Variants in LARP4B observed in about 807,000 individuals in gnomAD.
LARP4B encodes the protein La ribonucleoprotein 4B, also known as la-related protein 4B.
In LARP4B, 12 loss-of-function variants were observed where a neutral mutation model predicts 89.8. The ratio of observed to expected loss-of-function variants is 0.13; its 90% CI spans 0.09 to 0.22. The LOEUF (loss-of-function observed/expected upper bound fraction) is 0.22. Ranked by LOEUF, LARP4B falls within the 10% of genes least tolerant of loss-of-function variation. The probability of loss-of-function intolerance (pLI) is 1.00; values close to 1 mark genes in which losing one functional copy is unlikely to be tolerated. For missense variants in LARP4B, 757 were observed against 947.7 expected, an observed-to-expected ratio of 0.80 and a Z score of 2.64; for synonymous variants, 367 against 363.3, an observed-to-expected ratio of 1.01 and a Z score of -0.12.
the LARP4B span, among the ~76,000 whole-genome samples, chr10:937,579 C>A: frequency 6.6e-6 from 1 of 152,076 alleles, no homozygotes; most frequent in Non-Finnish European, 1.5e-5. Flanking sequence ...CTAATAATGG[C>A]GGCCTGACCC....
chr10:915,594 G>A (rs991675927), intron 1 of LARP4B, among the ~76,000 whole-genome samples: 11 of 152,136 alleles, frequency 7.2e-5, no homozygotes, highest in Non-Finnish European at 1.5e-4. Flanking sequence ...CACGAGGTCA[G>A]GAGATCGAGA....
intron 1 of LARP4B, among the ~76,000 whole-genome samples, chr10:910,113 T>A (rs1206906049): frequency 6.6e-6 from 1 of 152,218 alleles, no homozygotes; most frequent in Admixed American, 6.5e-5. Context: ...CTTACCCTTA[T>A]CTTCATGTTC....
the LARP4B span, among the ~76,000 whole-genome samples, chr10:967,734 C>A: frequency 6.6e-6 from 1 of 152,174 alleles, no homozygotes; most frequent in African/African-American, 2.4e-5. Context: ...GTGGGCACAC[C>A]ATCTTCATTA....
chr10:916,643 C>T (rs1253312226), intron 1 of LARP4B, among the ~76,000 whole-genome samples: 2 of 152,108 alleles, frequency 1.3e-5, no homozygotes, highest in African/African-American at 4.8e-5. Flanking sequence ...TGCAGTGAGC[C>T]GAGATCACGC....
chr10:869,332 C>T (rs1835075854), intron 3 of LARP4B, among the ~76,000 whole-genome samples: 2 of 152,134 alleles, frequency 1.3e-5, no homozygotes. Context: ...ATAAGATGCC[C>T]TCAAAGGGCT....
rs145054369 is a variant in LARP4B, at chr10:904,880, T to C, written c.-39-19120A>G. Among the ~76,000 whole-genome samples the C allele has an allele frequency of 2.9e-3, 448 of 152,316 alleles. 2 individuals are homozygous for C. Among genetic ancestry groups the C allele is most frequent in the African/African-American group, 0.01 (420 of 41,580 alleles). On this transcript the variant is annotated intron_variant, in intron 1 of 17. Transcript: ENST00000316157. ...CATATAAATCCAGAACCAGGCACGA[T>C]GGTGGCATTAAGCAACCAGACTGTC...
At chr10:911,652 C>T (rs1025855843) in intron 1 of LARP4B, among the ~76,000 whole-genome samples, 2 of 152,166 alleles carry the variant, frequency 1.3e-5, no homozygotes, top group Admixed American at 1.3e-4. Context: ...AGACCCGCTT[C>T]GGAACACAGG....
chr10:817,389 C>T (rs752375), intron 15 of LARP4B, among the ~76,000 whole-genome samples: 52,639 of 152,124 alleles, frequency 0.35, 10,090 homozygotes, highest in South Asian at 0.45. Context: ...CAGATGTTTC[C>T]ATTTCATTCT....
chr10:978,750 T>C, the LARP4B span, among the ~76,000 whole-genome samples: 2 of 152,256 alleles, frequency 1.3e-5, no homozygotes, highest in African/African-American at 4.8e-5. Flanking sequence ...GCACTTTATT[T>C]GTTCCTCATT....
chr10:864,225 A>T lies in LARP4B; in HGVS notation c.187T>A (p.Trp63Arg). ...VSELNPNAEVWGAPVLHLEAS... is the reference protein window; with the variant it reads ...VSELNPNAEVRGAPVLHLEAS... ...TCCAGATGTAACACAGGAGCCCCCC[A>T]CACTTCTGCATTAGGGTTCAGCTCT... Residue 63 changes from tryptophan (W) to arginine (R), a missense_variant, in exon 4 of 18, where the codon TGG (tryptophan) becomes AGG (arginine). By Grantham distance (101) the Trp-to-Arg change is moderately radical. This residue lies in a region of LARP4B where 175 missense variants were observed against 187.0 expected (regional missense o/e 0.94). Transcript: ENST00000316157. 6.2e-7 allele frequency: 1 copy of T among 1,614,152 alleles called. No homozygotes were observed.
In LARP4B at chr10:912,539, T is replaced by G. The variant is rs1164488377; in HGVS notation, c.-40+18889A>C. On this transcript the variant is annotated intron_variant, in intron 1 of 17. Coordinates refer to ENST00000316157, the MANE Select transcript of LARP4B (RefSeq NM_015155.3). ...GTAATCTAACCAAGAAACATCTAGG[T>G]TGGAAGACCACCTATCTAACCAGAC... 2.0e-5 allele frequency among the ~76,000 whole-genome samples: 3 copies of G among 152,050 alleles called. No individual in the cohort carries two copies. In the South Asian group the frequency reaches 6.2e-4, roughly 32 times the overall value.
intron 1 of LARP4B, among the ~76,000 whole-genome samples, chr10:923,656 A>G (rs1837050998): frequency 6.6e-6 from 1 of 152,232 alleles, no homozygotes; most frequent in African/African-American, 2.4e-5. Flanking sequence ...GCATGAAGCC[A>G]CCTTTAAAGA....
intron 3 of LARP4B, among the ~76,000 whole-genome samples, chr10:874,529 G>A (rs1231600617): frequency 6.6e-6 from 1 of 152,212 alleles, no homozygotes; most frequent in African/African-American, 2.4e-5. Context: ...ATGTGGTCCA[G>A]TCCCTAACTG....
intron 11 of LARP4B, 115 bp from the exon 12 acceptor site, chr10:825,985 C>A (rs921350634): frequency 7.1e-6 from 5 of 708,082 alleles, no homozygotes; most frequent in Non-Finnish European, 1.2e-5. Context: ...AGAGTCATGA[C>A]CCATGCTGAG....
At chr10:965,997 A>G in the LARP4B span, among the ~76,000 whole-genome samples, 1 of 152,044 alleles carries the variant, frequency 6.6e-6, no homozygotes, top group Non-Finnish European at 1.5e-5. Flanking sequence ...TTGAAAAAGC[A>G]GAAAGGGACT....
At chr10:851,180 CTT>C (rs144483000) in intron 5 of LARP4B, among the ~76,000 whole-genome samples, 48 of 131,548 alleles carry the variant, frequency 3.6e-4, no homozygotes, top group African/African-American at 1.2e-3. Context: ...AAAACACTAA[CTT>C]TTTTTTTTTT....
At chr10:844,579 A>G (rs189702031) in intron 6 of LARP4B, among the ~76,000 whole-genome samples, 2 of 152,266 alleles carry the variant, frequency 1.3e-5, no homozygotes, top group Admixed American at 1.3e-4. Context: ...TACTAAGAAA[A>G]GGGTATTATT....
At chr10:873,474 T>G in intron 3 of LARP4B, 3 of 950,858 alleles carry the variant, frequency 3.2e-6, no homozygotes, top group African/African-American at 3.5e-5. Context: ...GCCAGAAAGA[T>G]TTCAGGCTTC....
intron 5 of LARP4B, among the ~76,000 whole-genome samples, chr10:854,665 T>G (rs1834214376): frequency 6.6e-6 from 1 of 152,186 alleles, no homozygotes; most frequent in African/African-American, 2.4e-5. Context: ...TCATCCAGGC[T>G]TTGTTGTTCC....
Sources: allele counts gnomAD v4.1 joint callset (sites outside exome capture counted in the v4.1 genomes callset), GRCh38; gene constraint gnomAD v4.1.1; regional missense constraint gnomAD v4.1.1; transcripts MANE v1.5; gene names NCBI Gene and HGNC (gene_info 2026-07-23, HGNC 2026-07-21).